Variants in IST1 observed in about 807,000 individuals in gnomAD.
IST1 encodes the protein IST1 homolog.
Under a neutral mutation model 37.0 loss-of-function variants are expected in IST1, and 23 were observed. The observed-to-expected ratio is 0.62, with a 90% confidence interval of 0.45 to 0.88. The LOEUF (loss-of-function observed/expected upper bound fraction) is 0.88. Ranked by LOEUF, IST1 falls within the 40% of genes least tolerant of loss-of-function variation. IST1 has a pLI of 0.00. For synonymous variants in IST1, 180 were observed against 161.7 expected (o/e 1.11, Z -0.86); for missense variants, 488 against 445.4 (o/e 1.10, Z -0.86).
intron 1 of IST1, among the ~76,000 whole-genome samples, chr16:71,910,698 T>C (rs1404789266): frequency 6.6e-6 from 1 of 152,132 alleles, no homozygotes; most frequent in Non-Finnish European, 1.5e-5. Flanking sequence ...TCTTGAAACG[T>C]AACCCTTGGA....
intron 9 of IST1, among the ~76,000 whole-genome samples, chr16:71,926,947 C>T (rs946086519): frequency 1.3e-4 from 20 of 151,934 alleles, no homozygotes; most frequent in African/African-American, 4.1e-4. Flanking sequence ...AACTTTGCCC[C>T]CAATCCCTAA....
At chr16:71,921,111 GGCA>G (rs2037570155) in intron 5 of IST1, 1 of 597,930 alleles carries the variant, frequency 1.7e-6, no homozygotes, top group Non-Finnish European at 3.0e-6. Context: ...AACTGTGGAA[GGCA>G]GCAGTATCAT....
At chr16:71,918,411 T>C (rs1249040729) in intron 4 of IST1, among the ~76,000 whole-genome samples, 2 of 123,984 alleles carry the variant, frequency 1.6e-5, no homozygotes, top group African/African-American at 2.9e-5. Flanking sequence ...CTGATTCTTA[T>C]GTAGGCTTTT....
intron 3 of IST1, 95 bp from the exon 4 acceptor site, chr16:71,916,952 G>A: frequency 1.4e-6 from 1 of 730,508 alleles, no homozygotes; most frequent in South Asian, 2.0e-5. Flanking sequence ...GAGATTCACA[G>A]AATGGCTTTG....
intron 1 of IST1, among the ~76,000 whole-genome samples, chr16:71,907,795 A>T (rs12444521): frequency 0.8 from 121,664 of 152,076 alleles, 49,004 homozygotes; most frequent in East Asian, 0.97. Context: ...TTGGTTTGTA[A>T]TTTTTTATTC....
chr16:71,898,644 C>T (rs373324708), intron 1 of IST1, among the ~76,000 whole-genome samples: 1 of 139,106 alleles, frequency 7.2e-6, no homozygotes, highest in South Asian at 2.3e-4. Flanking sequence ...GCTTGGGCCA[C>T]AGAGTGAGAC....
intron 1 of IST1, among the ~76,000 whole-genome samples, chr16:71,904,487 T>G (rs1435351890): frequency 2.0e-5 from 3 of 152,172 alleles, no homozygotes; most frequent in African/African-American, 7.2e-5. Context: ...AACATGGCTG[T>G]CTGCAGCCTT....
chr16:71,930,383 A>G lies in IST1; in HGVS notation c.*2570A>G, dbSNP rs2037900772. 4 of 435,486 alleles carry G rather than the reference A, an allele frequency of 9.2e-6. No individual in the cohort carries two copies. The East Asian group carries it at 1.5e-4, about 16-fold the overall frequency. 27.0% of individuals were successfully genotyped at this position (435,486 alleles called of 1,614,324 possible). A position where few individuals can be genotyped will look rare whatever the true frequency, so the allele number is the denominator to read the frequency against. ...AGGAATGACTCATTTTAAGGAGGTT[A>G]AGATAATTGTGACTGCAGGGCTTTC... is the stretch of plus-strand genomic sequence containing the variant. On this transcript the variant is annotated 3_prime_UTR_variant, in exon 10 of 10. Coordinates refer to ENST00000378799, the MANE Select transcript of IST1 (RefSeq NM_001270975.2).
intron 1 of IST1, among the ~76,000 whole-genome samples, chr16:71,907,300 C>G (rs2037246210): frequency 7.1e-6 from 1 of 140,962 alleles, no homozygotes; most frequent in Admixed American, 7.3e-5. Flanking sequence ...TTTTTTGAGA[C>G]AGTCTCTCTC....
upstream of IST1, chr16:71,894,718 T>TTTG: frequency 3.5e-6 from 2 of 567,560 alleles, no homozygotes; most frequent in South Asian, 2.3e-5. Context: ...TTTTTTTTTG[T>TTTG]AGCGATGCGG....
chr16:71,929,887 A>C lies in IST1; in HGVS notation c.*2074A>C. ...TGGCTATAGAATATTATGTAGTCTT[A>C]TAAATTGGGTTTCCTAGGAAGATAG... On this transcript the variant is annotated 3_prime_UTR_variant, in exon 10 of 10. Coordinates refer to ENST00000378799, the MANE Select transcript of IST1 (RefSeq NM_001270975.2). 1 of 1,039,838 alleles carries C rather than the reference A, an allele frequency of 9.6e-7. No homozygotes were observed. The highest frequency in any genetic ancestry group is 1.4e-6 in the Non-Finnish European group (1 of 736,048). The allele number at this position is 1,039,838 out of a possible 1,614,324, so 64.4% of individuals were successfully genotyped here.
Position 71,927,800 on chromosome 16 carries a change from A to G in IST1, c.1088A>G (p.Lys363Arg), listed in dbSNP as rs902223746. The G allele has an allele frequency of 6.2e-7, 1 of 1,613,676 alleles. No homozygotes were observed. Among genetic ancestry groups the G allele is most frequent in the East Asian group, 2.2e-5 (1 of 44,886 alleles). ...CTTTCCCGGAGGTTTGAAGAGCTGA[A>G]AAAGAAAACATAGGTCTCTTAAACC... ...DDLSRRFEEL[K>R]KKT Residue 363 changes from lysine to arginine, a missense_variant, in exon 10 of 10, where the codon AAA (lysine) becomes AGA (arginine). By Grantham distance (26) the Lys-to-Arg change is conservative. Around this residue, in one of 2 missense-constraint regions of IST1, gnomAD observed 455 missense variants for 386.2 expected, o/e 1.18. Transcript: ENST00000378799.
In IST1 at chr16:71,925,052, G is replaced by T. The variant is rs1372067641; in HGVS notation, c.901+235G>T. On this transcript the variant is annotated intron_variant, in intron 9 of 9. Coordinates refer to ENST00000378799, the MANE Select transcript of IST1 (RefSeq NM_001270975.2). Reference sequence around the variant, plus strand: ...TTTTGAGATGGAGTCTTGCTCTGTTGTCCAGGCTGGAGTGCAGTGTTGTGA... The same window carrying T: ...TTTTGAGATGGAGTCTTGCTCTGTTTTCCAGGCTGGAGTGCAGTGTTGTGA... Among the ~76,000 whole-genome samples the T allele has an allele frequency of 2.3e-5, 3 of 131,614 alleles. No individual in the cohort carries two copies. In the East Asian group the frequency reaches 6.5e-4, roughly 28 times the overall value. 86.3% of individuals were successfully genotyped at this position (131,614 alleles called of 152,430 possible).
In IST1 at chr16:71,927,605, C is replaced by T. The variant is rs2037778152; in HGVS notation, c.902-9C>T. On this transcript the variant is annotated splice_polypyrimidine_tract_variant and intron_variant, in intron 9 of 9. Transcript: ENST00000378799. ...GTATTTGTAACGTTGTGCTCCTTGC[C>T]CTAATTAGGTCCTGGACCCAAGCCA... The T allele has an allele frequency of 1.2e-6, 2 of 1,605,262 alleles. No individual in the cohort carries two copies. The highest frequency in any genetic ancestry group is 1.3e-5 in the African/African-American group (1 of 74,718).
intron 9 of IST1, among the ~76,000 whole-genome samples, chr16:71,926,346 C>A (rs771492728): frequency 3.3e-5 from 5 of 151,340 alleles, no homozygotes; most frequent in Admixed American, 6.6e-5. Context: ...TAAAAAAACT[C>A]ATAGTTTTTT....
rs930776028 is a variant in IST1 at position 71,923,221 on chromosome 16, C to A, written c.760-67C>A. ...ATAAATGTATTTCTTTCTCCCTTCCCATACCCAAACCTTCGAGATTGCAAA... is the reference window on the plus strand; with the variant it reads ...ATAAATGTATTTCTTTCTCCCTTCCAATACCCAAACCTTCGAGATTGCAAA... On this transcript the variant is annotated intron_variant, in intron 7 of 9. Transcript: ENST00000378799. The A allele has an allele frequency of 5.2e-5, 43 of 827,462 alleles. No homozygotes were observed. In the East Asian group the frequency reaches 1.1e-3, roughly 21 times the overall value. 51.3% of individuals were successfully genotyped at this position (827,462 alleles called of 1,614,324 possible). A position where few individuals can be genotyped will look rare whatever the true frequency, so the allele number is the denominator to read the frequency against.
chr16:71,926,423 A>G (rs2037745214), intron 9 of IST1, among the ~76,000 whole-genome samples: 1 of 150,970 alleles, frequency 6.6e-6, no homozygotes, highest in African/African-American at 2.4e-5. Context: ...GGCTCATTGC[A>G]AGCTCCACCT....
chr16:71,894,734 C>G (rs2036928927), upstream of IST1: 5 of 566,404 alleles, frequency 8.8e-6, no homozygotes, highest in Non-Finnish European at 1.5e-5. Flanking sequence ...TGCGGTTTCA[C>G]TATGGTGTCC....
chr16:71,899,826 A>G (rs953752790), intron 1 of IST1, among the ~76,000 whole-genome samples: 9 of 152,142 alleles, frequency 5.9e-5, no homozygotes, highest in Non-Finnish European at 1.2e-4. Context: ...GATCGAGACC[A>G]TCCTGGCTAA....
Sources: gnomAD v4.1 joint callset for allele counts (sites outside exome capture counted in the v4.1 genomes callset) on GRCh38, gnomAD v4.1.1 for gene constraint, gnomAD v4.1.1 regional missense constraint, MANE v1.5 for transcripts, NCBI Gene and HGNC (gene_info 2026-07-23, HGNC 2026-07-21) for gene names.